The following COQ3 variants were observed in gnomAD, a reference collection of about 807,000 sequenced individuals.
COQ3 encodes the protein coenzyme Q3, methyltransferase.
Under a neutral mutation model 33.1 loss-of-function variants are expected in COQ3, and 29 were observed. The observed-to-expected ratio is 0.88, with a 90% CI of 0.65 to 1.19. The LOEUF (loss-of-function observed/expected upper bound fraction) is 1.19. COQ3 is among the 50% of genes most tolerant of loss of function. The pLI is 0.00. For synonymous variants in COQ3, 173 were observed against 157.8 expected (o/e 1.10, Z -0.72); for missense variants, 437 against 430.7 (o/e 1.01, Z -0.13).
At chr6:99,370,586 T>A (rs1774115027) in intron 6 of COQ3, among the ~76,000 whole-genome samples, 1 of 152,104 alleles carries the variant, frequency 6.6e-6, no homozygotes, top group South Asian at 2.1e-4. Context: ...TGACCTCAAA[T>A]AATCTGCCTG....
chr6:99,376,318 T>C, intron 4 of COQ3, 136 bp from the exon 5 acceptor site: 1 of 840,784 alleles, frequency 1.2e-6, no homozygotes. Context: ...ACATGGAAAC[T>C]CATATACCAT....
chr6:99,369,702 C>T lies in COQ3; in HGVS notation c.1008G>A (p.Gln336=), dbSNP rs1439994987. 6.2e-7 allele frequency: 1 copy of T among 1,613,798 alleles called. No individual in the cohort carries two copies. The highest frequency in any genetic ancestry group is 1.3e-5 in the African/African-American group (1 of 74,852). ...CAAACTCAGCAGAGGCTGGGTGTTCCTGGACCCTGGATTTCACAGCATAAG... is the reference window on the plus strand; with the variant it reads ...CAAACTCAGCAGAGGCTGGGTGTTCTTGGACCCTGGATTTCACAGCATAAG... ...YAAYAVKSRV[Q]EHPASAEFVL... Residue 336 remains glutamine (Q), a synonymous_variant, in exon 7 of 7, where the codon CAG becomes CAA. Coordinates refer to ENST00000254759, the MANE Select transcript of COQ3 (RefSeq NM_017421.4).
chr6:99,378,108 A>ATGTG (rs1346970236), intron 3 of COQ3, among the ~76,000 whole-genome samples: 1 of 22,290 alleles, frequency 4.5e-5, no homozygotes, highest in African/African-American at 2.3e-4. Flanking sequence ...AACTAAACAT[A>ATGTG]TATATATATA....
chr6:99,378,559 T>C (rs1376992659), intron 3 of COQ3, among the ~76,000 whole-genome samples: 1 of 152,128 alleles, frequency 6.6e-6, no homozygotes, highest in Non-Finnish European at 1.5e-5. Context: ...CCAAACTTAG[T>C]ATACATCAGA....
chr6:99,379,708 A>G (rs1202516157), intron 3 of COQ3, among the ~76,000 whole-genome samples: 1 of 152,104 alleles, frequency 6.6e-6, no homozygotes. Context: ...TACAAAAATT[A>G]GCTGGGCATG....
chr6:99,375,394 T>C (rs1243404788), intron 5 of COQ3, among the ~76,000 whole-genome samples: 4 of 151,830 alleles, frequency 2.6e-5, no homozygotes, highest in Non-Finnish European at 5.9e-5. Flanking sequence ...TTCTTTTTTT[T>C]TTTTTTTGAG....
intron 3 of COQ3, among the ~76,000 whole-genome samples, chr6:99,378,145 TATATATATATA>T (rs1562204580): frequency 0.013 from 332 of 24,862 alleles, 2 homozygotes; most frequent in South Asian, 0.016. Context: ...TATATATATA[TATATATATATA>T]TTTAGAGAGA....
At chr6:99,370,130 C>A (rs1774086298) in intron 6 of COQ3, among the ~76,000 whole-genome samples, 1 of 152,078 alleles carries the variant, frequency 6.6e-6, no homozygotes, top group African/African-American at 2.4e-5. Context: ...CTTTATAAAT[C>A]TCAGTTTTCT....
intron 1 of COQ3, among the ~76,000 whole-genome samples, chr6:99,390,068 A>G (rs1774778551): frequency 6.6e-6 from 1 of 152,028 alleles, no homozygotes; most frequent in African/African-American, 2.4e-5. Flanking sequence ...GGGCAAGATC[A>G]CGCCACCGCA....
chr6:99,389,957 T>C (rs1386346626), intron 1 of COQ3, among the ~76,000 whole-genome samples: 2 of 151,970 alleles, frequency 1.3e-5, no homozygotes, highest in Non-Finnish European at 2.9e-5. Flanking sequence ...CTACTAAAAA[T>C]ACAAAAATTA....
rs556121409 is a variant in COQ3, at chr6:99,384,013, G to A, written c.107-189C>T. Among the ~76,000 whole-genome samples, 5 of 152,108 alleles carry A rather than the reference G, an allele frequency of 3.3e-5. No homozygotes were observed. In the East Asian group the frequency reaches 7.7e-4, roughly 24 times the overall value. On this transcript the variant is annotated intron_variant, in intron 1 of 6. Coordinates refer to ENST00000254759, the MANE Select transcript of COQ3 (RefSeq NM_017421.4). ...CCTCCTGGGCTCAAGCAATCCTCCC[G>A]CCTCAGCTTCCCAAGTAGCGGGGAC...
At chr6:99,393,737 A>T (rs1419647064) in intron 1 of COQ3, among the ~76,000 whole-genome samples, 1 of 152,246 alleles carries the variant, frequency 6.6e-6, no homozygotes, top group African/African-American at 2.4e-5. Context: ...GGCGTGAGTT[A>T]TTCCTGCCCC....
Position 99,377,404 on chromosome 6 carries a change from A to G in COQ3, c.468T>C (p.Gly156=), listed in dbSNP as rs746144186. The change falls in exon 4 of 7, where the codon GGT becomes GGC. Residue 156 remains glycine (G), a synonymous_variant. Transcript: ENST00000254759. ...LGMKILDVGC[G]GGLLTEPLGR... Reference sequence around the variant, plus strand: ...CACTTACTTCAGTTAACAGCCCACCACCACAGCCAACGTCAAGAATCTTCA... The same window carrying G: ...CACTTACTTCAGTTAACAGCCCACCGCCACAGCCAACGTCAAGAATCTTCA... 1.9e-6 allele frequency: 3 copies of G among 1,613,580 alleles called. No individual in the cohort carries two copies. Among genetic ancestry groups the G allele is most frequent in the South Asian group, 2.2e-5 (2 of 91,076 alleles).
At chr6:99,372,169 T>A (rs1050346447) in intron 5 of COQ3, among the ~76,000 whole-genome samples, 5 of 152,048 alleles carry the variant, frequency 3.3e-5, no homozygotes, top group Non-Finnish European at 7.4e-5. Context: ...TTTGAGAGGC[T>A]AAGGCGGGCA....
intron 4 of COQ3, 97 bp from the exon 5 acceptor site, chr6:99,376,279 GTGATAAATAC>G: frequency 7.7e-7 from 1 of 1,298,732 alleles, no homozygotes; most frequent in Non-Finnish European, 1.1e-6. Context: ...TAACCATGAG[GTGATAAATAC>G]TGGACATCAT....
chr6:99,371,043 A>G (rs1158588225), intron 6 of COQ3, among the ~76,000 whole-genome samples: 2 of 152,222 alleles, frequency 1.3e-5, no homozygotes. Flanking sequence ...AGTTCAAAAT[A>G]TATGTAACTG....
chr6:99,384,774 C>T (rs1307616170), intron 1 of COQ3, among the ~76,000 whole-genome samples: 1 of 152,020 alleles, frequency 6.6e-6, no homozygotes, highest in Non-Finnish European at 1.5e-5. Flanking sequence ...CATTACATCA[C>T]AATAAAAGGG....
Position 99,376,035 on chromosome 6 carries a change from T to C in COQ3, c.634A>G (p.Thr212Ala), listed in dbSNP as rs765526353. 1.2e-6 allele frequency: 2 copies of C among 1,614,002 alleles called. No homozygotes were observed. The highest frequency in any genetic ancestry group is 2.2e-5 in the East Asian group (1 of 44,896). Reference protein sequence around the residue: ...VCSLEEIVEETAETFDAVVAS... With the variant: ...VCSLEEIVEEAAETFDAVVAS... ...ACAACAGCATCAAATGTTTCTGCAG[T>C]CTCTTCCACAATCTCTTCCAGGGAA... The change falls in exon 5 of 7, where the codon ACT (threonine) becomes GCT (alanine). Residue 212 changes from threonine (T) to alanine (A), a missense_variant. Coordinates refer to ENST00000254759, the MANE Select transcript of COQ3 (RefSeq NM_017421.4).
chr6:99,379,720 T>A (rs1774412101), intron 3 of COQ3, among the ~76,000 whole-genome samples: 1 of 152,092 alleles, frequency 6.6e-6, no homozygotes, highest in Non-Finnish European at 1.5e-5. Context: ...CTGGGCATGG[T>A]GGCAGATGCC....
Sources: gnomAD v4.1 joint callset for allele counts (sites outside exome capture counted in the v4.1 genomes callset) on GRCh38, gnomAD v4.1.1 for gene constraint, MANE v1.5 for transcripts, NCBI Gene and HGNC (gene_info 2026-07-23, HGNC 2026-07-21) for gene names.